The following TPD52 variants were observed in gnomAD, a reference collection of about 807,000 sequenced individuals.
TPD52 encodes prostate and colon associated protein.
In TPD52, 17 loss-of-function variants were observed where a neutral mutation model predicts 31.3. The ratio of observed to expected loss-of-function variants is 0.54; its 90% CI spans 0.37 to 0.82. TPD52 has a LOEUF of 0.82. Among genes scored for constraint, TPD52 ranks in the 40% least tolerant of loss-of-function variants. The probability of loss-of-function intolerance (pLI) is 0.00; values close to 1 mark genes in which losing one functional copy is unlikely to be tolerated. For missense variants in TPD52, 212 were observed against 240.1 expected (o/e 0.88, Z 0.77); for synonymous variants, 83 against 89.6 (o/e 0.93, Z 0.42).
chr8:80,099,712 T>C (rs1348419388), intron 1 of TPD52, among the ~76,000 whole-genome samples: 1 of 152,184 alleles, frequency 6.6e-6, no homozygotes, highest in Non-Finnish European at 1.5e-5. Context: ...GGTTTTACCA[T>C]GTTGGCCAGG....
At chr8:80,051,946 G>A (rs1811427756) in intron 3 of TPD52, 2 of 252,108 alleles carry the variant, frequency 7.9e-6, no homozygotes, top group Admixed American at 5.1e-5. Flanking sequence ...GCAAAGGCCT[G>A]AAAGAACTCA....
Position 80,035,699 on chromosome 8 carries a change from T to C in TPD52, c.*2417A>G, listed in dbSNP as rs774790312. The stretch of plus-strand genomic sequence containing the variant: ...TTGGCTCTCATAAGCATAAGAATTC[T>C]TGCCCTATTTCCCACAAACTCCATA... On this transcript the variant is annotated 3_prime_UTR_variant, in exon 8 of 8. Transcript: ENST00000518937. The C allele has an allele frequency of 1.8e-4, 27 of 152,362 alleles. No homozygotes were observed. Among genetic ancestry groups the C allele is most frequent in the Non-Finnish European group, 3.4e-4 (23 of 68,034 alleles). 9.4% of individuals were successfully genotyped at this position (152,362 alleles called of 1,614,324 possible).
At chr8:80,062,056 G>A (rs899636410) in intron 2 of TPD52, among the ~76,000 whole-genome samples, 1 of 152,136 alleles carries the variant, frequency 6.6e-6, no homozygotes, top group South Asian at 2.1e-4. Flanking sequence ...ATTTTTGTGT[G>A]GGTGGAAAAG....
chr8:80,044,238 A>G (rs758744177), intron 5 of TPD52, 30 bp from the exon 6 acceptor site: 42 of 1,547,686 alleles, frequency 2.7e-5, no homozygotes, highest in Non-Finnish European at 3.6e-5. Flanking sequence ...AGAGATAGAA[A>G]TAAGGTTAGT....
rs1415186505 is a variant in TPD52 at position 80,035,718 on chromosome 8, C to T, written c.*2398G>A. 1 of 152,206 alleles carries T rather than the reference C, an allele frequency of 6.6e-6. No individual in the cohort carries two copies. Among genetic ancestry groups the T allele is most frequent in the Non-Finnish European group, 1.5e-5 (1 of 68,042 alleles). The allele number at this position is 152,206 out of a possible 1,614,324, so 9.4% of individuals were successfully genotyped here. A position where few individuals can be genotyped will look rare whatever the true frequency, so the allele number is the denominator to read the frequency against. ...GAATTCTTGCCCTATTTCCCACAAACTCCATAAATTGACATTTCTTTTTGT... is the reference window on the plus strand; with the variant it reads ...GAATTCTTGCCCTATTTCCCACAAATTCCATAAATTGACATTTCTTTTTGT... On this transcript the variant is annotated 3_prime_UTR_variant, in exon 8 of 8. Coordinates refer to ENST00000518937, the MANE Select transcript of TPD52 (RefSeq NM_001025253.3).
intron 1 of TPD52, among the ~76,000 whole-genome samples, chr8:80,090,498 C>A (rs1017566861): frequency 2.0e-5 from 3 of 152,172 alleles, no homozygotes; most frequent in Admixed American, 2.0e-4. Context: ...GGGATGCTGT[C>A]CCTCACCCAG....
chr8:80,097,085 C>A (rs910732208), intron 1 of TPD52, among the ~76,000 whole-genome samples: 3 of 152,164 alleles, frequency 2.0e-5, no homozygotes, highest in African/African-American at 7.2e-5. Context: ...GCAAAAACAG[C>A]CTTATTGCTG....
intron 1 of TPD52, among the ~76,000 whole-genome samples, chr8:80,142,650 G>A (rs1192409037): frequency 2.0e-5 from 3 of 152,096 alleles, no homozygotes; most frequent in Non-Finnish European, 4.4e-5. Context: ...TGAAGTGAGT[G>A]GAGATCATGT....
chr8:80,107,751 G>GTT (rs74275133), intron 1 of TPD52, among the ~76,000 whole-genome samples: 1 of 148,760 alleles, frequency 6.7e-6, no homozygotes, highest in East Asian at 2.0e-4. Context: ...CCAAATGTGT[G>GTT]TTTTTTTTTT....
chr8:80,093,378 G>A (rs1418900792), intron 1 of TPD52, among the ~76,000 whole-genome samples: 1 of 152,112 alleles, frequency 6.6e-6, no homozygotes, highest in Non-Finnish European at 1.5e-5. Context: ...CTCTACAGGG[G>A]TGCATAAACA....
At chr8:80,087,224 G>GT (rs898364155) in intron 1 of TPD52, among the ~76,000 whole-genome samples, 2 of 152,134 alleles carry the variant, frequency 1.3e-5, no homozygotes, top group Non-Finnish European at 2.9e-5. Flanking sequence ...TGCCATAGTG[G>GT]TTTGCTGCAC....
At chr8:80,100,376 T>C (rs1472143572) in intron 1 of TPD52, among the ~76,000 whole-genome samples, 1 of 152,258 alleles carries the variant, frequency 6.6e-6, no homozygotes, top group African/African-American at 2.4e-5. Context: ...GATTGTACTC[T>C]GCTGCTTATG....
chr8:80,107,228 A>T (rs1475186369), intron 1 of TPD52, among the ~76,000 whole-genome samples: 1 of 152,210 alleles, frequency 6.6e-6, no homozygotes, highest in East Asian at 1.9e-4. Context: ...AAGAAAAATG[A>T]ATCTGTTACT....
chr8:80,084,074 C>G (rs911068408), intron 1 of TPD52, among the ~76,000 whole-genome samples: 18 of 152,220 alleles, frequency 1.2e-4, no homozygotes, highest in Admixed American at 1.2e-3. Context: ...CCACACCCTA[C>G]TTGAGACCCA....
At position 80,081,372 on chromosome 8, in the gene TPD52, T is replaced by A. The variant is rs184605834; in HGVS notation, c.20-16779A>T. Among the ~76,000 whole-genome samples, 259 of 152,214 alleles carry A rather than the reference T, an allele frequency of 1.7e-3. 1 individual carries two copies. The highest frequency in any genetic ancestry group is 2.6e-3 in the Non-Finnish European group (178 of 67,988). ...GTAAAACAAAACTAAGTCACCAAAT[T>A]TATTTCCTTTAACACAGTCTCTTAG... is the stretch of plus-strand genomic sequence containing the variant. On this transcript the variant is annotated intron_variant, in intron 1 of 7. Transcript: ENST00000518937.
intron 1 of TPD52, among the ~76,000 whole-genome samples, chr8:80,137,751 T>C (rs1809537131): frequency 6.6e-6 from 1 of 152,178 alleles, no homozygotes; most frequent in Non-Finnish European, 1.5e-5. Context: ...GTTCATATTG[T>C]TCTTTGAGAA....
intron 1 of TPD52, among the ~76,000 whole-genome samples, chr8:80,087,489 AAAAC>A (rs376974271): frequency 3.9e-5 from 6 of 152,336 alleles, no homozygotes; most frequent in South Asian, 2.1e-4. Context: ...AAAGGGCTAA[AAAAC>A]AAACAAACAA....
chr8:80,044,674 A>G (rs995063662), intron 5 of TPD52, among the ~76,000 whole-genome samples: 2 of 152,190 alleles, frequency 1.3e-5, no homozygotes, highest in African/African-American at 2.4e-5. Flanking sequence ...CTCAAGGACA[A>G]TGCAGTTCAC....
chr8:80,049,177 A>G (rs78501794), intron 5 of TPD52, among the ~76,000 whole-genome samples: 2,971 of 152,038 alleles, frequency 0.02, 36 homozygotes, highest in South Asian at 0.028. Context: ...AGTACTGATA[A>G]GGCTCTTCCA....
Sources: allele counts gnomAD v4.1 joint callset (sites outside exome capture counted in the v4.1 genomes callset), GRCh38; gene constraint gnomAD v4.1.1; transcripts MANE v1.5; gene names NCBI Gene and HGNC (gene_info 2026-07-23, HGNC 2026-07-21).